Variants in TSNARE1 observed in about 807,000 individuals in gnomAD.
TSNARE1 encodes t-SNARE domain-containing protein 1.
In TSNARE1, 49 loss-of-function variants were observed where a neutral mutation model predicts 62.0. That is an observed-to-expected ratio of 0.79 (90% CI 0.63 to 1.00). The LOEUF (loss-of-function observed/expected upper bound fraction) is 1.00. Among genes scored for constraint, TSNARE1 ranks in the 50% least tolerant of loss-of-function variants. TSNARE1 has a pLI of 0.00. For missense variants in TSNARE1, 755 were observed against 700.1 expected (o/e 1.08, Z -0.88); for synonymous variants, 328 against 294.4 (o/e 1.11, Z -1.17).
rs529008214 is a variant in TSNARE1, at chr8:142,229,273, G to A, written c.*11+200C>T. ...ATGGATGGATGGTGGATGGGTGGAT[G>A]GATGGATGGCAGATGGATAGATGGA... is the stretch of plus-strand genomic sequence containing the variant. On this transcript the variant is annotated intron_variant, in intron 13 of 13. Coordinates refer to ENST00000524325, the MANE Select transcript of TSNARE1 (RefSeq NM_145003.5). Among the ~76,000 whole-genome samples the A allele has an allele frequency of 1.4e-3, 209 of 151,942 alleles. 5 individuals are homozygous for A. Among genetic ancestry groups the A allele is most frequent in the Admixed American group, 0.013 (206 of 15,260 alleles).
Position 142,363,929 on chromosome 8 carries a change from G to T in TSNARE1, c.-39-9166C>A, listed in dbSNP as rs569773113. ...GGAGATGTGTAGGACCTGTCTGGGGGTCAAAGGGGATGATGAGTGACGGCA... is the reference window on the plus strand; with the variant it reads ...GGAGATGTGTAGGACCTGTCTGGGGTTCAAAGGGGATGATGAGTGACGGCA... On this transcript the variant is annotated intron_variant, in intron 1 of 13. Coordinates refer to ENST00000524325, the MANE Select transcript of TSNARE1 (RefSeq NM_145003.5). Among the ~76,000 whole-genome samples the T allele has an allele frequency of 1.2e-4, 18 of 152,346 alleles. No homozygotes were observed. In the East Asian group the frequency reaches 3.5e-3, roughly 29 times the overall value.
chr8:142,382,009 CT>C (rs928273722), intron 1 of TSNARE1, among the ~76,000 whole-genome samples: 1 of 152,186 alleles, frequency 6.6e-6, no homozygotes, highest in Admixed American at 6.5e-5. Context: ...GACACCCCCC[CT>C]ACACACAGGC....
In TSNARE1 at chr8:142,319,743, A is replaced by G. The variant is rs532675131; in HGVS notation, c.894-1109T>C. Among the ~76,000 whole-genome samples the G allele has an allele frequency of 2.9e-4, 44 of 152,032 alleles. No homozygotes were observed. Among genetic ancestry groups the G allele is most frequent in the Admixed American group, 5.9e-4 (9 of 15,278 alleles). ...ACAGGAGCGGGGCCCACCTCCTGAT[A>G]CCCACCCTGGGCGGGCAGAGCCTGT... On this transcript the variant is annotated intron_variant, in intron 6 of 13. Coordinates refer to ENST00000524325, the MANE Select transcript of TSNARE1 (RefSeq NM_145003.5). The surrounding 1 kb of genome is among the most constrained non-coding windows in gnomAD (Gnocchi z 4.9).
chr8:142,327,606 C>A (rs1390235185), intron 6 of TSNARE1, among the ~76,000 whole-genome samples: 2 of 152,232 alleles, frequency 1.3e-5, no homozygotes, highest in Non-Finnish European at 1.5e-5. Context: ...CTGCTGGCCA[C>A]CCCTCTGCCA....
Position 142,330,924 on chromosome 8 carries a change from G to C in TSNARE1, c.870C>G (p.Asp290Glu). Reference protein sequence around the residue: ...RSLQSLGTPSDTQELRDSLHT... With the variant: ...RSLQSLGTPSETQELRDSLHT... ...ACAGGCTGTCCCGAAGCTCCTGCGT[G>C]TCACTCGGTGTCCCTAAGGACTGAA... Residue 290 changes from aspartate to glutamate, a missense_variant, in exon 6 of 14, where the codon GAC becomes GAG. Transcript: ENST00000524325. 1 of 1,614,110 alleles carries C rather than the reference G, an allele frequency of 6.2e-7. No homozygotes were observed. Among genetic ancestry groups the C allele is most frequent in the South Asian group, 1.1e-5 (1 of 91,082 alleles).
At position 142,387,302 on chromosome 8, in the gene TSNARE1, T is replaced by G. The variant is rs556843047; in HGVS notation, c.-40+15802A>C. On this transcript the variant is annotated intron_variant, in intron 1 of 13. Transcript: ENST00000524325. ...CTCATCAAAACTTAGGCATCAGCCC[T>G]CGAATACAAAATAAGTTTGAAAAGA... Among the ~76,000 whole-genome samples, 3 of 152,134 alleles carry G rather than the reference T, an allele frequency of 2.0e-5. No homozygotes were observed. The East Asian group carries it at 5.8e-4, about 29-fold the overall frequency.
chr8:142,273,571 G>A (rs1004307331), intron 12 of TSNARE1: 17 of 985,382 alleles, frequency 1.7e-5, no homozygotes, highest in South Asian at 9.4e-5. Context: ...CTTGTCTCCC[G>A]GCCTGGCGTT....
At chr8:142,373,770 G>A (rs1052307670) in intron 1 of TSNARE1, among the ~76,000 whole-genome samples, 3 of 152,056 alleles carry the variant, frequency 2.0e-5, no homozygotes, top group African/African-American at 4.8e-5. Context: ...GATCCAAGAA[G>A]ACAGCCTTAC....
intron 1 of TSNARE1, among the ~76,000 whole-genome samples, chr8:142,369,786 A>C (rs1486144422): frequency 6.6e-6 from 1 of 152,240 alleles, no homozygotes; most frequent in Non-Finnish European, 1.5e-5. Flanking sequence ...CAGAGAAAAA[A>C]GTGAAAAAAG....
intron 13 of TSNARE1, among the ~76,000 whole-genome samples, chr8:142,218,351 G>C (rs2129878057): frequency 6.9e-6 from 1 of 144,230 alleles, no homozygotes; most frequent in South Asian, 2.2e-4. Context: ...ACCCTGGAGA[G>C]CTGCCTGTTG....
chr8:142,325,427 G>GCCTC (rs1426544664), intron 6 of TSNARE1, among the ~76,000 whole-genome samples: 5 of 152,220 alleles, frequency 3.3e-5, no homozygotes, highest in African/African-American at 4.8e-5. Flanking sequence ...GCAAGACTAG[G>GCCTC]GGTGGGGAGG....
At chr8:142,269,622 C>A (rs1211218504) in intron 12 of TSNARE1, 1 of 985,254 alleles carries the variant, frequency 1.0e-6, no homozygotes, top group Admixed American at 6.1e-5. Flanking sequence ...AGCCACTGTG[C>A]CCAGGCCATG....
intron 4 of TSNARE1, among the ~76,000 whole-genome samples, chr8:142,333,004 CTCAGAAACACTGT>C (rs1237562695): frequency 6.6e-6 from 1 of 152,200 alleles, no homozygotes; most frequent in Non-Finnish European, 1.5e-5. Flanking sequence ...CACAGTGAAT[CTCAGAAACACTGT>C]TCAGAAACCA....
chr8:142,260,439 G>A (rs1035090559), intron 12 of TSNARE1, among the ~76,000 whole-genome samples: 5 of 152,164 alleles, frequency 3.3e-5, no homozygotes, highest in South Asian at 2.1e-4. Flanking sequence ...CTGGCCAGGC[G>A]TCCTCTGTCC....
Position 142,318,573 on chromosome 8 carries a change from T to C in TSNARE1, c.955A>G (p.Met319Val). Reference protein sequence around the residue: ...IAASASSVKQMAELLRSSCPQ... With the variant: ...IAASASSVKQVAELLRSSCPQ... ...CAGGAGCTGCGCAGCAGCTCGGCCA[T>C]CTGCTTCACGGAGCTGGCGCTGGCT... Residue 319 changes from methionine to valine, a missense_variant, in exon 7 of 14, where the codon ATG becomes GTG. Met to Val is a conservative substitution (Grantham distance 21). Transcript: ENST00000524325. 1.2e-6 allele frequency: 2 copies of C among 1,613,588 alleles called. No individual in the cohort carries two copies. The highest frequency in any genetic ancestry group is 1.7e-6 in the Non-Finnish European group (2 of 1,180,000).
chr8:142,274,824 G>T lies in TSNARE1; in HGVS notation c.1403C>A (p.Ala468Glu). 6.3e-7 allele frequency: 1 copy of T among 1,579,870 alleles called. No homozygotes were observed. The highest frequency in any genetic ancestry group is 8.6e-7 in the Non-Finnish European group (1 of 1,163,694). ...AGCCAGGAGCTGGCGGGCTGCCTCCGCATGCGAGGACGCAGCCTCAAGGCT... is the reference window on the plus strand; with the variant it reads ...AGCCAGGAGCTGGCGGGCTGCCTCCTCATGCGAGGACGCAGCCTCAAGGCT... ...EASLEAASSH[A>E]EAARQLLAGA... The change falls in exon 12 of 14, where the codon GCG (alanine) becomes GAG (glutamate). Residue 468 changes from alanine to glutamate, a missense_variant. Ala to Glu is a moderately radical substitution (Grantham distance 107). Transcript: ENST00000524325.
intron 1 of TSNARE1, among the ~76,000 whole-genome samples, chr8:142,359,300 C>G (rs968603508): frequency 2.6e-5 from 4 of 152,188 alleles, no homozygotes; most frequent in African/African-American, 9.7e-5. Context: ...CCCACCTGTT[C>G]CCTGCCTGAG....
chr8:142,323,845 C>T (rs891983423), intron 6 of TSNARE1, among the ~76,000 whole-genome samples: 6 of 152,184 alleles, frequency 3.9e-5, no homozygotes, highest in East Asian at 1.9e-4. Flanking sequence ...TCACGGCCAC[C>T]GAGGGAGGGG....
At chr8:142,368,395 G>C (rs1446136912) in intron 1 of TSNARE1, among the ~76,000 whole-genome samples, 1 of 152,192 alleles carries the variant, frequency 6.6e-6, no homozygotes, top group Admixed American at 6.5e-5. Flanking sequence ...GGTTCGGAGA[G>C]TTCCCCTTCT....
Sources: gnomAD v4.1 joint callset for allele counts (sites outside exome capture counted in the v4.1 genomes callset) on GRCh38, gnomAD v4.1.1 for gene constraint, Gnocchi (gnomAD v3.1) non-coding constraint, MANE v1.5 for transcripts, NCBI Gene and HGNC (gene_info 2026-07-23, HGNC 2026-07-21) for gene names.